The following KCNQ1 variants were observed in gnomAD, a reference collection of about 807,000 sequenced individuals.
KCNQ1 encodes potassium voltage-gated channel subfamily Q member 1.
KCNQ1 carries 49 observed loss-of-function variants against 72.4 expected under a neutral mutation model. The observed-to-expected ratio is 0.68, with a 90% CI of 0.54 to 0.86. The LOEUF (loss-of-function observed/expected upper bound fraction) is 0.86, where lower values mean the gene tolerates loss of function less well. Among genes scored for constraint, KCNQ1 ranks in the 40% least tolerant of loss-of-function variants. The probability of loss-of-function intolerance (pLI) is 0.00; values close to 1 mark genes in which losing one functional copy is unlikely to be tolerated. For synonymous variants in KCNQ1, 450 were observed against 412.6 expected (o/e 1.09, Z -1.10); for missense variants, 790 against 945.1 (o/e 0.84, Z 2.15).
chr11:2,838,670 G>A lies in KCNQ1; in HGVS notation c.1795-9097G>A, dbSNP rs781393685. 7.9e-5 allele frequency among the ~76,000 whole-genome samples: 12 copies of A among 152,270 alleles called. 1 individual carries two copies. In the Middle Eastern group the frequency reaches 0.01, roughly 129 times the overall value. On this transcript the variant is annotated intron_variant, in intron 15 of 15. Transcript: ENST00000155840. Reference sequence around the variant, plus strand: ...GGGAGGATGTGGGGGCAGCAGGGCCGATGTGGGCAGACCTGGAGCAATGAC... The same window carrying A: ...GGGAGGATGTGGGGGCAGCAGGGCCAATGTGGGCAGACCTGGAGCAATGAC...
chr11:2,572,156 C>A, intron 5 of KCNQ1, 47 bp downstream of exon 5: 1 of 1,434,556 alleles, frequency 7.0e-7, no homozygotes, highest in Non-Finnish European at 9.7e-7. Flanking sequence ...GGGGACAGGA[C>A]GGAGGGAGCA....
At chr11:2,469,330 C>T (rs116895106) in intron 1 of KCNQ1, among the ~76,000 whole-genome samples, 41 of 151,320 alleles carry the variant, frequency 2.7e-4, no homozygotes, top group Admixed American at 2.3e-3. Context: ...AGTGTGGTGG[C>T]GTGATCTTGC....
chr11:2,609,681 GCTT>G, intron 10 of KCNQ1: 1 of 398,178 alleles, frequency 2.5e-6, no homozygotes, highest in Non-Finnish European at 4.4e-6. Flanking sequence ...GTCAGTTTTT[GCTT>G]CTTATGTTTT....
At position 2,827,737 on chromosome 11, in the gene KCNQ1, A is replaced by G. The variant is rs1292562305; in HGVS notation, c.1795-20030A>G. On this transcript the variant is annotated intron_variant, in intron 15 of 15. Transcript: ENST00000155840. This position sits in a 1 kb window ranked among gnomAD's most constrained non-coding sequence, Gnocchi z 6.7. ...TGGAGGCCAGACCAGAAGGACTCAG[A>G]TAGGAGTTGGGCGCTTGAGGGAGGA... 6.6e-6 allele frequency among the ~76,000 whole-genome samples: 1 copy of G among 152,120 alleles called. No individual in the cohort carries two copies. The highest frequency in any genetic ancestry group is 1.5e-5 in the Non-Finnish European group (1 of 68,012).
intron 1 of KCNQ1, among the ~76,000 whole-genome samples, chr11:2,455,026 A>C (rs1846167363): frequency 6.6e-6 from 1 of 152,208 alleles, no homozygotes. Flanking sequence ...GAAAACCCTA[A>C]AGAGTCTGCC....
Position 2,492,483 on chromosome 11 carries a change from G to A in KCNQ1, c.387-35445G>A, listed in dbSNP as rs1222993729. On this transcript the variant is annotated intron_variant, in intron 1 of 15. Transcript: ENST00000155840. The surrounding 1 kb of genome is among the most constrained non-coding windows in gnomAD (Gnocchi z 4.1). ...AGGTTTTAAGCCCTACATGCATTAGGTATTTGTCCTAATGCTCTCCCTCCC... is the reference window on the plus strand; with the variant it reads ...AGGTTTTAAGCCCTACATGCATTAGATATTTGTCCTAATGCTCTCCCTCCC... Among the ~76,000 whole-genome samples, 5 of 152,090 alleles carry A rather than the reference G, an allele frequency of 3.3e-5. No individual in the cohort carries two copies. Among genetic ancestry groups the A allele is most frequent in the African/African-American group, 9.7e-5 (4 of 41,404 alleles).
rs1850593249 is a variant in KCNQ1, at chr11:2,691,819, A to G, written c.1514+29738A>G. Reference sequence around the variant, plus strand: ...CAGAGAATCACAAGCACTGGATCCAATGTGACCTCTGCCAGGACCATGACC... The same window carrying G: ...CAGAGAATCACAAGCACTGGATCCAGTGTGACCTCTGCCAGGACCATGACC... On this transcript the variant is annotated intron_variant, in intron 11 of 15. Coordinates refer to ENST00000155840, the MANE Select transcript of KCNQ1 (RefSeq NM_000218.3). The surrounding 1 kb of genome is among the most constrained non-coding windows in gnomAD (Gnocchi z 6.4). 1 of 398,614 alleles carries G rather than the reference A, an allele frequency of 2.5e-6. No individual in the cohort carries two copies. The highest frequency in any genetic ancestry group is 4.4e-6 in the Non-Finnish European group (1 of 226,094). The allele number at this position is 398,614 out of a possible 1,614,324, so 24.7% of individuals were successfully genotyped here.
chr11:2,644,870 G>A (rs1175082028), intron 10 of KCNQ1: 1 of 398,656 alleles, frequency 2.5e-6, no homozygotes, highest in Non-Finnish European at 4.4e-6. Flanking sequence ...GTTGTTGGTG[G>A]AGGCTGTGGT....
Position 2,752,042 on chromosome 11 carries a change from C to T in KCNQ1, c.1515-16802C>T, listed in dbSNP as rs1317615156. On this transcript the variant is annotated intron_variant, in intron 11 of 15. Transcript: ENST00000155840. This position sits in a 1 kb window ranked among gnomAD's most constrained non-coding sequence, Gnocchi z 5.2. ...GGGTACCTTGTACTGCCCTGTCCTCCCCACGCCCTGAGGGGCCGTCCTAGG... is the reference window on the plus strand; with the variant it reads ...GGGTACCTTGTACTGCCCTGTCCTCTCCACGCCCTGAGGGGCCGTCCTAGG... Among the ~76,000 whole-genome samples the T allele has an allele frequency of 6.6e-6, 1 of 152,258 alleles. No individual in the cohort carries two copies. The highest frequency in any genetic ancestry group is 1.5e-5 in the Non-Finnish European group (1 of 68,054).
At chr11:2,643,630 T>C (rs1849614850) in intron 10 of KCNQ1, 1 of 398,386 alleles carries the variant, frequency 2.5e-6, no homozygotes. Context: ...AAGTAGAAAG[T>C]TTAATCTATT....
intron 7 of KCNQ1, among the ~76,000 whole-genome samples, chr11:2,584,418 TTAGTG>T (rs1848555504): frequency 1.3e-5 from 2 of 150,578 alleles, no homozygotes; most frequent in African/African-American, 2.5e-5. Flanking sequence ...TGTTTCTGTG[TTAGTG>T]TGTGTGTTAG....
Position 2,772,336 on chromosome 11 carries a change from C to T in KCNQ1, c.1590+3417C>T, listed in dbSNP as rs1011064696. Among the ~76,000 whole-genome samples, 2 of 152,130 alleles carry T rather than the reference C, an allele frequency of 1.3e-5. No homozygotes were observed. Among genetic ancestry groups the T allele is most frequent in the Non-Finnish European group, 2.9e-5 (2 of 68,010 alleles). ...CTTGGCCAACCACCCCTGTGTCTGG[C>T]CCAAGGAGCCGGAGCCTCTCCACCC... is the stretch of plus-strand genomic sequence containing the variant. On this transcript the variant is annotated intron_variant, in intron 12 of 15. Transcript: ENST00000155840. This position sits in a 1 kb window ranked among gnomAD's most constrained non-coding sequence, Gnocchi z 6.6.
intron 6 of KCNQ1, among the ~76,000 whole-genome samples, chr11:2,575,611 C>T (rs1273365445): frequency 6.6e-6 from 1 of 152,254 alleles, no homozygotes; most frequent in Admixed American, 6.5e-5. Context: ...GCTTCCTTCA[C>T]CCCACCGGGG....
chr11:2,507,743 T>C lies in KCNQ1; in HGVS notation c.387-20185T>C, dbSNP rs1847128027. Among the ~76,000 whole-genome samples, 1 of 151,870 alleles carries C rather than the reference T, an allele frequency of 6.6e-6. No individual in the cohort carries two copies. Among genetic ancestry groups the C allele is most frequent in the African/African-American group, 2.4e-5 (1 of 41,314 alleles). ...GGGAGGTGTCAGTGTGTAAATGACA[T>C]GAGCGCAGGGGCTAGACAGGGCCTC... is the stretch of plus-strand genomic sequence containing the variant. On this transcript the variant is annotated intron_variant, in intron 1 of 15. Transcript: ENST00000155840. The surrounding 1 kb of genome is among the most constrained non-coding windows in gnomAD (Gnocchi z 5.4).
Position 2,592,649 on chromosome 11 carries a change from T to C in KCNQ1, c.1393+3795T>C, listed in dbSNP as rs1353386730. Among the ~76,000 whole-genome samples, 3 of 152,218 alleles carry C rather than the reference T, an allele frequency of 2.0e-5. No individual in the cohort carries two copies. Among genetic ancestry groups the C allele is most frequent in the Non-Finnish European group, 2.9e-5 (2 of 68,018 alleles). ...GCATGGGGACCCAACCGCATGCCAC[T>C]TGGCTTGGCAGTGTCAAAGGGACTG... On this transcript the variant is annotated intron_variant, in intron 10 of 15. Transcript: ENST00000155840. The surrounding 1 kb of genome is among the most constrained non-coding windows in gnomAD (Gnocchi z 5.2).
In KCNQ1 at chr11:2,563,412, G is replaced by C. The variant is rs1056740756; in HGVS notation, c.478-7216G>C. 1.4e-4 allele frequency among the ~76,000 whole-genome samples: 21 copies of C among 152,182 alleles called. No homozygotes were observed. Among genetic ancestry groups the C allele is most frequent in the African/African-American group, 5.1e-4 (21 of 41,450 alleles). On this transcript the variant is annotated intron_variant, in intron 2 of 15. Coordinates refer to ENST00000155840, the MANE Select transcript of KCNQ1 (RefSeq NM_000218.3). The surrounding 1 kb of genome is among the most constrained non-coding windows in gnomAD (Gnocchi z 7.4). ...TTGCTGGCCCTCCGGCTTCGGGCAG[G>C]TCTCCTCTTTATGCCACTGTAACCC...
At position 2,535,240 on chromosome 11, in the gene KCNQ1, G is replaced by C. The variant is rs971581093; in HGVS notation, c.477+7222G>C. ...GCTTTGGGCGGGTAAGGGTAGCGAA[G>C]GTGAAAGTGGACCAGGGGCAGGTGG... On this transcript the variant is annotated intron_variant, in intron 2 of 15. Coordinates refer to ENST00000155840, the MANE Select transcript of KCNQ1 (RefSeq NM_000218.3). Among the ~76,000 whole-genome samples, 7 of 152,330 alleles carry C rather than the reference G, an allele frequency of 4.6e-5. 1 individual carries two copies. The highest frequency in any genetic ancestry group is 4.6e-4 in the Admixed American group (7 of 15,310).
At chr11:2,756,080 G>A (rs574206033) in intron 11 of KCNQ1, among the ~76,000 whole-genome samples, 145 of 152,338 alleles carry the variant, frequency 9.5e-4, no homozygotes, top group Middle Eastern at 3.4e-3. Context: ...TTGCTGATGG[G>A]AGTGTACAGT....
At chr11:2,615,353 T>C (rs1285206780) in intron 10 of KCNQ1, 1 of 398,000 alleles carries the variant, frequency 2.5e-6, no homozygotes, top group African/African-American at 2.1e-5. Flanking sequence ...AGAGTTTTAC[T>C]GCTTCCTTTC....
Sources: gnomAD v4.1 joint callset for allele counts (sites outside exome capture counted in the v4.1 genomes callset) on GRCh38, gnomAD v4.1.1 for gene constraint, Gnocchi (gnomAD v3.1) non-coding constraint, MANE v1.5 for transcripts, NCBI Gene and HGNC (gene_info 2026-07-23, HGNC 2026-07-21) for gene names.